The following SEPTIN10 variants were observed in gnomAD, a reference collection of about 807,000 sequenced individuals.
SEPTIN10 encodes the protein septin-10.
A neutral mutation model predicts 54.8 loss-of-function variants in SEPTIN10; 66 were observed. The observed-to-expected ratio is 1.21, with a 90% confidence interval of 0.99 to 1.48. The LOEUF is 1.48. Among genes scored for constraint, SEPTIN10 ranks in the 40% most tolerant of loss-of-function variants. The pLI, the probability that SEPTIN10 is intolerant of heterozygous loss-of-function variation, is 0.00. For missense variants in SEPTIN10, 620 were observed against 545.6 expected (o/e 1.14, Z -1.36); for synonymous variants, 161 against 181.0 (o/e 0.89, Z 0.89).
intron 2 of SEPTIN10, among the ~76,000 whole-genome samples, chr2:109,591,929 C>T (rs892985768): frequency 6.6e-6 from 1 of 152,012 alleles, no homozygotes; most frequent in East Asian, 1.9e-4. Context: ...AAACAACTTA[C>T]TGAATTACCT....
chr2:109,560,079 C>A (rs541043303), intron 8 of SEPTIN10, among the ~76,000 whole-genome samples: 3 of 152,132 alleles, frequency 2.0e-5, no homozygotes, highest in African/African-American at 2.4e-5. Context: ...CGCCACCACG[C>A]CCAGCTAATT....
chr2:109,577,722 G>C (rs1052483280), intron 4 of SEPTIN10, among the ~76,000 whole-genome samples: 2 of 151,856 alleles, frequency 1.3e-5, no homozygotes, highest in African/African-American at 4.8e-5. Context: ...AAATCAGCCT[G>C]GCCAACATGG....
chr2:109,605,648 A>G (rs1484802676), intron 1 of SEPTIN10: 1 of 152,214 alleles, frequency 6.6e-6, no homozygotes, highest in Non-Finnish European at 1.5e-5. Flanking sequence ...AATCAACAAA[A>G]AAGAAAATAT....
At position 109,565,879 on chromosome 2, in the gene SEPTIN10, AC is replaced by A. The variant is rs1686889685; in HGVS notation, c.763-21del. 1 of 1,582,782 alleles carries A rather than the reference AC, an allele frequency of 6.3e-7. No homozygotes were observed. The highest frequency in any genetic ancestry group is 1.7e-4 in the Middle Eastern group (1 of 6,012). On this transcript the variant is annotated intron_variant, in intron 6 of 10. Coordinates refer to ENST00000397712, the MANE Select transcript of SEPTIN10 (RefSeq NM_144710.5). ...CTGTCCCTGAAAAAGAATATCGAGCACATCTTCTCATACCACTGTGATAACT... is the reference window on the plus strand; with the variant it reads ...CTGTCCCTGAAAAAGAATATCGAGCAATCTTCTCATACCACTGTGATAACT...
At position 109,593,134 on chromosome 2, in the gene SEPTIN10, C is replaced by G; in HGVS notation, c.31-15G>C. The G allele has an allele frequency of 6.3e-7, 1 of 1,576,948 alleles. No homozygotes were observed. Reference sequence around the variant, plus strand: ...GACTGAAAGAGCTAAAAAAGGAATACAAAGGCTTAAAAGGAAACAGAAACA... The same window carrying G: ...GACTGAAAGAGCTAAAAAAGGAATAGAAAGGCTTAAAAGGAAACAGAAACA... On this transcript the variant is annotated splice_polypyrimidine_tract_variant and intron_variant, in intron 1 of 10. Coordinates refer to ENST00000397712, the MANE Select transcript of SEPTIN10 (RefSeq NM_144710.5).
intron 1 of SEPTIN10, among the ~76,000 whole-genome samples, chr2:109,607,779 C>G (rs1698334639): frequency 6.6e-6 from 1 of 152,146 alleles, no homozygotes; most frequent in Non-Finnish European, 1.5e-5. Flanking sequence ...TCAAAACTAC[C>G]TACCTGTGTT....
intron 10 of SEPTIN10, chr2:109,545,658 G>C (rs1681008879): frequency 1.2e-5 from 18 of 1,488,858 alleles, no homozygotes; most frequent in Non-Finnish European, 1.3e-5. Context: ...CCCAACAAAG[G>C]GCACAGCTTT....
intron 1 of SEPTIN10, among the ~76,000 whole-genome samples, chr2:109,598,108 G>C (rs530728207): frequency 6.6e-6 from 1 of 152,192 alleles, no homozygotes; most frequent in African/African-American, 2.4e-5. Context: ...CGTTGCCCAG[G>C]CTGGAGTGCA....
intron 4 of SEPTIN10, among the ~76,000 whole-genome samples, chr2:109,582,728 C>A (rs748979549): frequency 1.8e-4 from 27 of 152,152 alleles, no homozygotes; most frequent in Admixed American, 6.5e-4. Context: ...CAAAGCAATA[C>A]TAAGCAAAAG....
At chr2:109,569,900 A>C (rs1171249225) in intron 5 of SEPTIN10, among the ~76,000 whole-genome samples, 1 of 152,040 alleles carries the variant, frequency 6.6e-6, no homozygotes, top group African/African-American at 2.4e-5. Flanking sequence ...CTTTTTAGTA[A>C]CAGAAAACAA....
chr2:109,586,518 T>G (rs544771035), intron 2 of SEPTIN10, among the ~76,000 whole-genome samples: 27 of 152,246 alleles, frequency 1.8e-4, no homozygotes, highest in African/African-American at 5.1e-4. Flanking sequence ...GCAGGCAGAT[T>G]GGTTGGGAAT....
At chr2:109,561,476 T>C (rs1488976362) in intron 8 of SEPTIN10, among the ~76,000 whole-genome samples, 1 of 152,186 alleles carries the variant, frequency 6.6e-6, no homozygotes, top group African/African-American at 2.4e-5. Context: ...AAAATAATAG[T>C]AATCTCTAGC....
intron 8 of SEPTIN10, among the ~76,000 whole-genome samples, chr2:109,559,496 C>T (rs1440063911): frequency 1.3e-5 from 2 of 152,194 alleles, no homozygotes; most frequent in Non-Finnish European, 2.9e-5. Flanking sequence ...ATTTCCCCTT[C>T]TTTGTGTGAT....
chr2:109,588,813 T>C lies in SEPTIN10; in HGVS notation c.100-2975A>G, dbSNP rs1424223986. ...GCTAAAATATTATATTATTTGAAGG[T>C]TGGGTGTGGTAAGTTAAAGCCTAGG... On this transcript the variant is annotated intron_variant, in intron 2 of 10. Transcript: ENST00000397712. Among the ~76,000 whole-genome samples the C allele has an allele frequency of 2.7e-5, 4 of 146,412 alleles. No individual in the cohort carries two copies. In the East Asian group the frequency reaches 8.3e-4, roughly 31 times the overall value.
chr2:109,593,882 C>T (rs1457601520), intron 1 of SEPTIN10, among the ~76,000 whole-genome samples: 1 of 152,150 alleles, frequency 6.6e-6, no homozygotes, highest in Non-Finnish European at 1.5e-5. Context: ...ATTTATAGAA[C>T]TCATATTACA....
At chr2:109,580,936 T>C (rs1690960565) in intron 4 of SEPTIN10, among the ~76,000 whole-genome samples, 2 of 152,084 alleles carry the variant, frequency 1.3e-5, no homozygotes, top group Non-Finnish European at 2.9e-5. Flanking sequence ...AAAAGCAACA[T>C]CTGTAGGTTG....
In SEPTIN10 at chr2:109,580,875, C is replaced by A. The variant is rs34821058; in HGVS notation, c.413+4251G>T. ...CGGGCAGAGCGCAAAGACAGCACAG[C>A]GCCTGGCCATTCACTGAGTTGAGGA... On this transcript the variant is annotated intron_variant, in intron 4 of 10. Coordinates refer to ENST00000397712, the MANE Select transcript of SEPTIN10 (RefSeq NM_144710.5). Among the ~76,000 whole-genome samples, 7 of 152,186 alleles carry A rather than the reference C, an allele frequency of 4.6e-5. 1 individual carries two copies. The highest frequency in any genetic ancestry group is 1.4e-4 in the African/African-American group (6 of 41,498).
At chr2:109,554,358 TATACA>T (rs747721406) in intron 8 of SEPTIN10, among the ~76,000 whole-genome samples, 14 of 152,226 alleles carry the variant, frequency 9.2e-5, no homozygotes, top group Non-Finnish European at 1.3e-4. Context: ...ATACACAATG[TATACA>T]ATACATTTTT....
Position 109,585,247 on chromosome 2 carries a change from G to A in SEPTIN10, c.292C>T (p.His98Tyr). Residue 98 changes from histidine (H) to tyrosine (Y), a missense_variant, in exon 4 of 11, where the codon CAT becomes TAT. His to Tyr is a moderately conservative substitution (Grantham distance 83). Coordinates refer to ENST00000397712, the MANE Select transcript of SEPTIN10 (RefSeq NM_144710.5). ...NTNFEDYESS[H>Y]FCPNVKLKAQ... ...TTAAGTTTAACATTTGGGCAAAAATGTGAGGATTCATAGTCTTCAAAATTA... is the reference window on the plus strand; with the variant it reads ...TTAAGTTTAACATTTGGGCAAAAATATGAGGATTCATAGTCTTCAAAATTA... 1 of 1,613,278 alleles carries A rather than the reference G, an allele frequency of 6.2e-7. No individual in the cohort carries two copies. Among genetic ancestry groups the A allele is most frequent in the South Asian group, 1.1e-5 (1 of 90,918 alleles).
Sources: gnomAD v4.1 joint callset for allele counts (sites outside exome capture counted in the v4.1 genomes callset) on GRCh38, gnomAD v4.1.1 for gene constraint, MANE v1.5 for transcripts, NCBI Gene and HGNC (gene_info 2026-07-23, HGNC 2026-07-21) for gene names.